Variants in PROX1 observed in about 807,000 individuals in gnomAD.
PROX1 encodes prospero homeobox 1.
PROX1 carries 7 observed loss-of-function variants against 58.8 expected under a neutral mutation model. That is an observed-to-expected ratio of 0.12 (90% CI 0.07 to 0.22). The LOEUF (loss-of-function observed/expected upper bound fraction) is 0.22. Ranked by LOEUF, PROX1 falls within the 10% of genes least tolerant of loss-of-function variation. The pLI is 1.00. For synonymous variants in PROX1, 350 were observed against 358.3 expected (o/e 0.98, Z 0.26); for missense variants, 675 against 927.8 (o/e 0.73, Z 3.54).
At position 214,005,161 on chromosome 1, in the gene PROX1, C is replaced by T. The variant is rs1010123607; in HGVS notation, c.1726-4C>T. On this transcript the variant is annotated splice_polypyrimidine_tract_variant and splice_region_variant and intron_variant, in intron 2 of 4. Coordinates refer to ENST00000366958, the MANE Select transcript of PROX1 (RefSeq NM_001270616.2). ...TTGCTTTTCCTTAACCAATTGCATC[C>T]TACATGCAGGAAGGATTGTCACCCA... 1 of 1,611,790 alleles carries T rather than the reference C, an allele frequency of 6.2e-7. No individual in the cohort carries two copies. Among genetic ancestry groups the T allele is most frequent in the African/African-American group, 1.3e-5 (1 of 74,976 alleles).
At chr1:214,021,318 G>T (rs866735295) in intron 4 of PROX1, among the ~76,000 whole-genome samples, 2 of 151,904 alleles carry the variant, frequency 1.3e-5, no homozygotes, top group African/African-American at 4.8e-5. Flanking sequence ...TTCTTTTTAC[G>T]GCTCTAAACG....
At chr1:214,011,995 G>A (rs988853728) in intron 4 of PROX1, among the ~76,000 whole-genome samples, 1 of 152,150 alleles carries the variant, frequency 6.6e-6, no homozygotes, top group African/African-American at 2.4e-5. Flanking sequence ...AAGAAAAATG[G>A]CAGCAAGCAG....
At chr1:214,000,945 T>G (rs867585029) in intron 2 of PROX1, among the ~76,000 whole-genome samples, 7 of 152,170 alleles carry the variant, frequency 4.6e-5, no homozygotes, top group African/African-American at 1.2e-4. Flanking sequence ...ATGATCCGGT[T>G]GTACAGTTAT....
chr1:213,987,469 G>A (rs1400136266), upstream of PROX1: 2 of 126,638 alleles, frequency 1.6e-5, no homozygotes, highest in African/African-American at 6.1e-5. Context: ...ATACTTTTCC[G>A]TGCCTTCCTC....
intron 1 of PROX1, among the ~76,000 whole-genome samples, chr1:213,994,860 A>C (rs1243148005): frequency 2.1e-5 from 3 of 144,560 alleles, no homozygotes; most frequent in African/African-American, 7.6e-5. Context: ...AAAATGTTTT[A>C]TCTTTCTATA....
At chr1:213,987,476 C>T (rs1381333761), upstream of PROX1, 2 of 145,376 alleles carry the variant, frequency 1.4e-5, no homozygotes, top group Non-Finnish European at 3.0e-5. Context: ...TCCGTGCCTT[C>T]CTCCACCCAA....
In PROX1 at chr1:213,994,970, G is replaced by GTTA. The variant is rs1353799768; in HGVS notation, c.-67-1496_-67-1494dup. ...TTGAGCATTTTCTTGATTTTTACAG[G>GTTA]TTATTTCATGCTGAAATTATGCCTA... On this transcript the variant is annotated intron_variant, in intron 1 of 4. Transcript: ENST00000366958. Among the ~76,000 whole-genome samples, 3 of 151,496 alleles carry GTTA rather than the reference G, an allele frequency of 2.0e-5. No individual in the cohort carries two copies. The East Asian group carries it at 5.8e-4, about 30-fold the overall frequency.
chr1:214,018,132 T>C (rs1009760178), intron 4 of PROX1, among the ~76,000 whole-genome samples: 1 of 152,196 alleles, frequency 6.6e-6, no homozygotes, highest in African/African-American at 2.4e-5. Flanking sequence ...CCAAAGCTTG[T>C]TCGAAGTTGG....
At chr1:214,008,880 G>T (rs990573647) in intron 3 of PROX1, among the ~76,000 whole-genome samples, 1 of 152,110 alleles carries the variant, frequency 6.6e-6, no homozygotes, top group Admixed American at 6.5e-5. Flanking sequence ...CAAACAAAAA[G>T]CTCAGCTCAT....
chr1:214,014,788 T>C (rs1664037017), intron 4 of PROX1, among the ~76,000 whole-genome samples: 1 of 152,208 alleles, frequency 6.6e-6, no homozygotes, highest in South Asian at 2.1e-4. Flanking sequence ...CCTCTACCCC[T>C]TGTCTTCTCT....
chr1:214,024,074 A>C (rs1404993469), intron 4 of PROX1, among the ~76,000 whole-genome samples: 1 of 152,184 alleles, frequency 6.6e-6, no homozygotes, highest in Admixed American at 6.5e-5. Context: ...CAACAAGGCC[A>C]GTCCTAGGTA....
intron 2 of PROX1, 66 bp downstream of exon 2, chr1:213,998,326 A>G: frequency 6.7e-7 from 1 of 1,487,202 alleles, no homozygotes; most frequent in Non-Finnish European, 9.0e-7. Context: ...GGTTGGGTTT[A>G]CACAATATCT....
chr1:213,998,094 A>T lies in PROX1; in HGVS notation c.1559A>T (p.Asp520Val), dbSNP rs746107358. Residue 520 changes from aspartate to valine, a missense_variant, in exon 2 of 5, where the codon GAT (aspartate) becomes GTT (valine). Around this residue, in one of 8 missense-constraint regions of PROX1, gnomAD observed 403 missense variants for 477.4 expected, o/e 0.84. Transcript: ENST00000366958. ...CCTGAATCCTTAGACTTAACTAGGGATACCACGAGTCTGAGGACCAAGATG... is the reference window on the plus strand; with the variant it reads ...CCTGAATCCTTAGACTTAACTAGGGTTACCACGAGTCTGAGGACCAAGATG... ...ASPESLDLTRDTTSLRTKMSS... is the reference protein window; with the variant it reads ...ASPESLDLTRVTTSLRTKMSS... 6.2e-7 allele frequency: 1 copy of T among 1,614,130 alleles called. No individual in the cohort carries two copies. The highest frequency in any genetic ancestry group is 1.7e-5 in the Admixed American group (1 of 60,030).
intron 2 of PROX1, among the ~76,000 whole-genome samples, chr1:214,000,022 T>C (rs1250538720): frequency 1.5e-5 from 2 of 136,140 alleles, no homozygotes; most frequent in South Asian, 4.4e-4. Context: ...TAGTGGGTTC[T>C]TTCTGTCTCT....
At chr1:214,011,283 T>A (rs1447079628) in intron 3 of PROX1, among the ~76,000 whole-genome samples, 1 of 152,202 alleles carries the variant, frequency 6.6e-6, no homozygotes, top group Non-Finnish European at 1.5e-5. Flanking sequence ...ATTTAGAATG[T>A]GACTTTTCCA....
At chr1:213,999,623 T>C (rs1469051534) in intron 2 of PROX1, among the ~76,000 whole-genome samples, 3 of 152,186 alleles carry the variant, frequency 2.0e-5, no homozygotes, top group Non-Finnish European at 4.4e-5. Flanking sequence ...GTCTCTCTTA[T>C]ACTGAGCAAG....
At position 214,025,187 on chromosome 1, in the gene PROX1, C is replaced by T. The variant is rs551358587; in HGVS notation, c.2029-10462C>T. On this transcript the variant is annotated intron_variant, in intron 4 of 4. Coordinates refer to ENST00000366958, the MANE Select transcript of PROX1 (RefSeq NM_001270616.2). ...AAGTCTTCCTGGTCCTTGACCACCA[C>T]GTGTGTGGTTTATTAACTCTGTTCC... 9.8e-5 allele frequency among the ~76,000 whole-genome samples: 15 copies of T among 152,294 alleles called. No individual in the cohort carries two copies. The East Asian group carries it at 2.3e-3, about 24-fold the overall frequency.
rs1185238563 is a variant in PROX1 at position 214,033,799 on chromosome 1, G to A, written c.2029-1850G>A. 3.9e-5 allele frequency among the ~76,000 whole-genome samples: 6 copies of A among 152,018 alleles called. No homozygotes were observed. In the East Asian group the frequency reaches 5.8e-4, roughly 15 times the overall value. On this transcript the variant is annotated intron_variant, in intron 4 of 4. Transcript: ENST00000366958. ...ACTGTGCTAGAAAAGATTGCTTCACGAATTTTTATTTGTATAATGTGAGTG... is the reference window on the plus strand; with the variant it reads ...ACTGTGCTAGAAAAGATTGCTTCACAAATTTTTATTTGTATAATGTGAGTG...
At chr1:214,003,863 C>T (rs1474206659) in intron 2 of PROX1, among the ~76,000 whole-genome samples, 1 of 152,280 alleles carries the variant, frequency 6.6e-6, no homozygotes, top group Non-Finnish European at 1.5e-5. Flanking sequence ...AGATTAGTCA[C>T]GCTAGACTTG....
Sources: allele counts gnomAD v4.1 joint callset (sites outside exome capture counted in the v4.1 genomes callset), GRCh38; gene constraint gnomAD v4.1.1; regional missense constraint gnomAD v4.1.1; transcripts MANE v1.5; gene names NCBI Gene and HGNC (gene_info 2026-07-23, HGNC 2026-07-21).